DLG2: variants seen among roughly 807,000 people sequenced by gnomAD.
DLG2 encodes the protein disks large homolog 2.
A neutral mutation model predicts 132.5 loss-of-function variants in DLG2; 45 were observed. The observed-to-expected ratio is 0.34, with a 90% CI of 0.27 to 0.44. The LOEUF (loss-of-function observed/expected upper bound fraction) is 0.44, where lower values mean the gene tolerates loss of function less well. Among genes scored for constraint, DLG2 ranks in the 20% least tolerant of loss-of-function variants. The pLI, the probability that DLG2 is intolerant of heterozygous loss-of-function variation, is 1.00. For missense variants in DLG2, 1,045 were observed against 1,196.9 expected (o/e 0.87, Z 1.87); for synonymous variants, 424 against 419.6 (o/e 1.01, Z -0.13).
At chr11:84,919,362 T>C (rs115537846) in intron 6 of DLG2, among the ~76,000 whole-genome samples, 58 of 152,332 alleles carry the variant, frequency 3.8e-4, no homozygotes, top group African/African-American at 1.3e-3. Context: ...AGTAGTTCTT[T>C]TGAAATCCCA....
chr11:84,646,205 C>T (rs2099674708), intron 6 of DLG2, among the ~76,000 whole-genome samples: 1 of 152,112 alleles, frequency 6.6e-6, no homozygotes, highest in African/African-American at 2.4e-5. Flanking sequence ...TCTATGCACA[C>T]AGTAGATGGA....
intron 3 of DLG2, among the ~76,000 whole-genome samples, chr11:85,418,937 G>A (rs1310531064): frequency 6.6e-6 from 1 of 152,130 alleles, no homozygotes; most frequent in Non-Finnish European, 1.5e-5. Flanking sequence ...TTACATTTAA[G>A]GTTAAGATTA....
intron 6 of DLG2, among the ~76,000 whole-genome samples, chr11:85,000,949 C>G (rs183593789): frequency 6.6e-6 from 1 of 152,122 alleles, no homozygotes; most frequent in East Asian, 1.9e-4. Context: ...CTACTATTAG[C>G]TGTCTGGAAC....
chr11:84,537,326 C>T (rs574554510), intron 6 of DLG2, among the ~76,000 whole-genome samples: 2 of 152,074 alleles, frequency 1.3e-5, no homozygotes, highest in Non-Finnish European at 2.9e-5. Flanking sequence ...AGGCTGGTCT[C>T]GAACTCTTAC....
At chr11:85,240,666 C>T (rs2075830869) in intron 4 of DLG2, among the ~76,000 whole-genome samples, 1 of 151,780 alleles carries the variant, frequency 6.6e-6, no homozygotes, top group Non-Finnish European at 1.5e-5. Context: ...CTCTTCCCTT[C>T]TCCATTCGTC....
At chr11:83,842,523 C>CAAAA (rs771360645) in intron 16 of DLG2, among the ~76,000 whole-genome samples, 12 of 70,274 alleles carry the variant, frequency 1.7e-4, no homozygotes, top group Admixed American at 3.6e-4. Flanking sequence ...GAACCTGTCT[C>CAAAA]AAAAAAAAAA....
chr11:83,636,555 C>T (rs753156923), intron 18 of DLG2, among the ~76,000 whole-genome samples: 2 of 152,100 alleles, frequency 1.3e-5, no homozygotes, highest in African/African-American at 2.4e-5. Context: ...ACTACCACTT[C>T]CAAATTCTTC....
At chr11:85,392,794 G>C (rs938602052) in intron 3 of DLG2, among the ~76,000 whole-genome samples, 10 of 151,804 alleles carry the variant, frequency 6.6e-5, no homozygotes, top group Admixed American at 5.9e-4. Flanking sequence ...CTGGATCCTT[G>C]TCTCATCTCT....
intron 11 of DLG2, among the ~76,000 whole-genome samples, chr11:83,987,077 T>G (rs2093373999): frequency 1.3e-5 from 2 of 152,174 alleles, no homozygotes; most frequent in Non-Finnish European, 2.9e-5. Context: ...TGATCCCATT[T>G]GTCAATTTTG....
At chr11:84,447,382 G>A (rs1447504022) in intron 7 of DLG2, among the ~76,000 whole-genome samples, 1 of 152,110 alleles carries the variant, frequency 6.6e-6, no homozygotes, top group Non-Finnish European at 1.5e-5. Flanking sequence ...AGTCTAGACA[G>A]ACAGTACATG....
chr11:85,033,305 A>T (rs1429779936), intron 6 of DLG2, among the ~76,000 whole-genome samples: 2 of 151,410 alleles, frequency 1.3e-5, no homozygotes, highest in Non-Finnish European at 2.9e-5. Context: ...TCCCCTGGAA[A>T]TTATTCCTAG....
chr11:85,561,181 C>T (rs2077214979), intron 3 of DLG2, among the ~76,000 whole-genome samples: 1 of 150,168 alleles, frequency 6.7e-6, no homozygotes, highest in African/African-American at 2.4e-5. Context: ...CATAGTGAGA[C>T]TCCATTTATA....
intron 8 of DLG2, among the ~76,000 whole-genome samples, chr11:84,194,951 T>G (rs2096487610): frequency 6.6e-6 from 1 of 152,078 alleles, no homozygotes; most frequent in Non-Finnish European, 1.5e-5. Context: ...CAGCCTCGGT[T>G]CTCACTCGCA....
intron 3 of DLG2, among the ~76,000 whole-genome samples, chr11:85,313,513 G>A (rs1190646734): frequency 1.3e-5 from 2 of 151,940 alleles, no homozygotes; most frequent in Non-Finnish European, 2.9e-5. Context: ...GGACATTTAA[G>A]TACATTAATA....
At chr11:83,797,051 G>A (rs1021063099) in intron 17 of DLG2, among the ~76,000 whole-genome samples, 1 of 152,114 alleles carries the variant, frequency 6.6e-6, no homozygotes, top group Non-Finnish European at 1.5e-5. Context: ...TCTCACAGAG[G>A]GGGAGATTGG....
intron 4 of DLG2, among the ~76,000 whole-genome samples, chr11:85,219,531 C>G (rs1169605542): frequency 1.3e-5 from 2 of 151,734 alleles, no homozygotes; most frequent in Non-Finnish European, 2.9e-5. Context: ...CCTGAGGGTT[C>G]TAGAGGAGGA....
chr11:84,844,135 GTATA>G (rs74200849), intron 6 of DLG2, among the ~76,000 whole-genome samples: 356 of 43,630 alleles, frequency 8.2e-3, no homozygotes, highest in African/African-American at 0.02. Context: ...GTGTGTGTGT[GTATA>G]TATATATATA....
At chr11:84,442,075 T>A (rs887936249) in intron 7 of DLG2, among the ~76,000 whole-genome samples, 1 of 152,224 alleles carries the variant, frequency 6.6e-6, no homozygotes, top group African/African-American at 2.4e-5. Flanking sequence ...TTGTTCTTTT[T>A]GGCTGGGATT....
intron 6 of DLG2, among the ~76,000 whole-genome samples, chr11:84,688,788 G>C (rs1427027484): frequency 6.6e-6 from 1 of 152,144 alleles, no homozygotes; most frequent in Non-Finnish European, 1.5e-5. Flanking sequence ...GTCTGTGTCT[G>C]TACATCTCTA....
Sources: gnomAD v4.1 joint callset for allele counts (sites outside exome capture counted in the v4.1 genomes callset) on GRCh38, gnomAD v4.1.1 for gene constraint, MANE v1.5 for transcripts, NCBI Gene and HGNC (gene_info 2026-07-23, HGNC 2026-07-21) for gene names.